The following TTC23 variants were observed in gnomAD, a reference collection of about 807,000 sequenced individuals.
TTC23 encodes the protein tetratricopeptide repeat domain 23.
In TTC23, 58 loss-of-function variants were observed where a neutral mutation model predicts 55.1. That is an observed-to-expected ratio of 1.05 (90% CI 0.85 to 1.31). TTC23 has a LOEUF of 1.31. Among genes scored for constraint, TTC23 ranks in the 50% most tolerant of loss-of-function variants. The pLI, the probability that TTC23 is intolerant of heterozygous loss-of-function variation, is 0.00. For synonymous variants in TTC23, 203 were observed against 199.9 expected (o/e 1.02, Z -0.13); for missense variants, 516 against 534.4 (o/e 0.97, Z 0.34).
chr15:99,209,147 T>C (rs903529063), intron 8 of TTC23, among the ~76,000 whole-genome samples: 1 of 152,172 alleles, frequency 6.6e-6, no homozygotes, highest in Non-Finnish European at 1.5e-5. Context: ...TCAGATCTCA[T>C]AGGGATGGAG....
intron 12 of TTC23, among the ~76,000 whole-genome samples, chr15:99,147,560 A>G (rs1372325184): frequency 1.3e-5 from 2 of 152,228 alleles, no homozygotes; most frequent in Non-Finnish European, 2.9e-5. Context: ...AGAATGAATG[A>G]CCATGACCCC....
intron 8 of TTC23, among the ~76,000 whole-genome samples, chr15:99,202,936 G>A (rs2076315403): frequency 1.3e-5 from 2 of 152,168 alleles, no homozygotes; most frequent in Non-Finnish European, 2.9e-5. Context: ...GCAGACAGAA[G>A]CACATCACAC....
At chr15:99,230,859 G>A (rs868816125) in intron 4 of TTC23, among the ~76,000 whole-genome samples, 13 of 152,176 alleles carry the variant, frequency 8.5e-5, no homozygotes, top group African/African-American at 3.1e-4. Flanking sequence ...TCTTTCAGAA[G>A]GAAGGAAAAT....
At chr15:99,208,778 A>G (rs984751580) in intron 8 of TTC23, among the ~76,000 whole-genome samples, 8 of 152,254 alleles carry the variant, frequency 5.3e-5, no homozygotes, top group Admixed American at 5.2e-4. Flanking sequence ...AGAAATAACT[A>G]AATTATAGTC....
intron 3 of TTC23, among the ~76,000 whole-genome samples, 196 bp downstream of exon 3, chr15:99,241,169 G>C (rs2079760047): frequency 6.6e-6 from 1 of 152,086 alleles, no homozygotes; most frequent in Non-Finnish European, 1.5e-5. Flanking sequence ...CAAAAAATTA[G>C]CCAGGTGTGG....
At chr15:99,181,634 C>T (rs1324833084) in intron 9 of TTC23, among the ~76,000 whole-genome samples, 1 of 152,152 alleles carries the variant, frequency 6.6e-6, no homozygotes, top group African/African-American at 2.4e-5. Context: ...AGCTAACACC[C>T]TTACGTAAGA....
chr15:99,188,344 G>C (rs963745183), intron 9 of TTC23, among the ~76,000 whole-genome samples: 8 of 151,966 alleles, frequency 5.3e-5, no homozygotes, highest in Non-Finnish European at 7.4e-5. Flanking sequence ...TGGGGGAAGA[G>C]GGAGGAATGA....
intron 10 of TTC23, among the ~76,000 whole-genome samples, chr15:99,170,522 C>A (rs2072774061): frequency 6.6e-6 from 1 of 152,182 alleles, no homozygotes; most frequent in African/African-American, 2.4e-5. Context: ...TGCAGATTTG[C>A]TCCTGGGATC....
At chr15:99,208,023 G>A (rs568630550) in intron 8 of TTC23, among the ~76,000 whole-genome samples, 101 of 152,204 alleles carry the variant, frequency 6.6e-4, no homozygotes, top group African/African-American at 2.4e-3. Context: ...CATGAAAGTA[G>A]TGTTTACAGT....
At chr15:99,225,607 G>A (rs1047558254) in intron 5 of TTC23, among the ~76,000 whole-genome samples, 1 of 152,168 alleles carries the variant, frequency 6.6e-6, no homozygotes, top group African/African-American at 2.4e-5. Flanking sequence ...AACCCATACT[G>A]ATAGGAATAA....
chr15:99,172,969 T>C (rs889746162), intron 10 of TTC23, among the ~76,000 whole-genome samples: 4 of 152,178 alleles, frequency 2.6e-5, no homozygotes, highest in Non-Finnish European at 5.9e-5. Context: ...TATGGGACAA[T>C]AGCATTCTAG....
At position 99,228,571 on chromosome 15, in the gene TTC23, A is replaced by T. The variant is rs1336940566; in HGVS notation, c.142T>A (p.Cys48Ser). ...GAATAGGACTTTGCTTTCTCTTCAC[A>T]GAGGTGGAGTTTCTCTCGAGGAGGC... ...FQPPREKLHL[C>S]EEKAKSYSNS... is the part of the protein sequence containing the mutation. The change falls in exon 5 of 14, where the codon TGT (cysteine) becomes AGT (serine). Residue 48 changes from cysteine (C) to serine (S), a missense_variant. Physicochemically the swap from Cys to Ser is moderately radical, Grantham distance 112. Transcript: ENST00000394132. 2 of 1,613,352 alleles carry T rather than the reference A, an allele frequency of 1.2e-6. No individual in the cohort carries two copies. The highest frequency in any genetic ancestry group is 1.7e-5 in the Admixed American group (1 of 59,894).
chr15:99,239,422 T>G (rs2079582428), intron 3 of TTC23, among the ~76,000 whole-genome samples: 1 of 151,766 alleles, frequency 6.6e-6, no homozygotes, highest in East Asian at 1.9e-4. Flanking sequence ...GAGGTGGAGG[T>G]TGCAGTGAGC....
intron 7 of TTC23, 41 bp downstream of exon 7, chr15:99,218,857 A>T (rs541924360): frequency 1.2e-6 from 2 of 1,602,260 alleles, no homozygotes; most frequent in Admixed American, 1.7e-5. Context: ...GTGTTACGTG[A>T]ATAGTATTTC....
chr15:99,155,434 A>G (rs1429534289), intron 12 of TTC23: 2 of 152,228 alleles, frequency 1.3e-5, no homozygotes, highest in African/African-American at 4.8e-5. Context: ...AGTTAGACAA[A>G]TTGATACAAA....
At chr15:99,141,310 C>T (rs260117) in intron 12 of TTC23, among the ~76,000 whole-genome samples, 21,969 of 151,692 alleles carry the variant, frequency 0.14, 1,632 homozygotes, top group Admixed American at 0.16. Context: ...AAAAAGAAAA[C>T]GACAGATGAA....
At chr15:99,250,257 C>T (rs2080612182), upstream of TTC23, among the ~76,000 whole-genome samples, 1 of 152,120 alleles carries the variant, frequency 6.6e-6, no homozygotes, top group African/African-American at 2.4e-5. Context: ...CATATACCAA[C>T]CATGCTGTAT....
intron 10 of TTC23, among the ~76,000 whole-genome samples, chr15:99,165,586 T>C (rs138675203): frequency 6.6e-6 from 1 of 152,150 alleles, no homozygotes; most frequent in African/African-American, 2.4e-5. Flanking sequence ...CAGAAATCAA[T>C]TGAACTGGAT....
intron 9 of TTC23, among the ~76,000 whole-genome samples, chr15:99,177,191 G>A (rs2073660976): frequency 2.0e-5 from 3 of 152,210 alleles, no homozygotes; most frequent in Non-Finnish European, 2.9e-5. Flanking sequence ...GACTTTTTAT[G>A]TTGGGGCTAC....
Sources: allele counts gnomAD v4.1 joint callset (sites outside exome capture counted in the v4.1 genomes callset), GRCh38; gene constraint gnomAD v4.1.1; transcripts MANE v1.5; gene names NCBI Gene and HGNC (gene_info 2026-07-23, HGNC 2026-07-21).